TNFSF13B: variants seen among roughly 807,000 people sequenced by gnomAD.
TNFSF13B encodes TNF superfamily member 13b.
A neutral mutation model predicts 29.1 loss-of-function variants in TNFSF13B; 8 were observed. The observed-to-expected ratio is 0.27, with a 90% CI of 0.16 to 0.50. The LOEUF is 0.50. Among genes scored for constraint, TNFSF13B ranks in the 20% least tolerant of loss-of-function variants. The pLI, the probability that TNFSF13B is intolerant of heterozygous loss-of-function variation, is 0.98. For missense variants in TNFSF13B, 248 were observed against 334.9 expected (o/e 0.74, Z 2.03); for synonymous variants, 125 against 130.8 (o/e 0.96, Z 0.30).
Position 108,270,096 on chromosome 13 carries a change from C to T in TNFSF13B, c.201C>T (p.Tyr67=). Residue 67 remains tyrosine (Y), a synonymous_variant, in exon 1 of 6, where the codon TAC becomes TAT. Coordinates refer to ENST00000375887, the MANE Select transcript of TNFSF13B (RefSeq NM_006573.5). The part of the protein sequence containing the change: ...LSCCLTVVSF[Y]QVAALQGDLA... The stretch of plus-strand genomic sequence containing the variant: ...GCTGCCTCACGGTGGTGTCTTTCTA[C>T]CAGGTGGCCGCCCTGCAAGGGGACC... 1.2e-6 allele frequency: 2 copies of T among 1,604,174 alleles called. No homozygotes were observed. Among genetic ancestry groups the T allele is most frequent in the South Asian group, 1.1e-5 (1 of 91,078 alleles).
chr13:108,278,343 G>A (rs964462030), intron 2 of TNFSF13B, among the ~76,000 whole-genome samples: 1 of 152,048 alleles, frequency 6.6e-6, no homozygotes, highest in African/African-American at 2.4e-5. Context: ...GCTGAAGTGG[G>A]TTTGAAGATG....
intron 2 of TNFSF13B, 116 bp downstream of exon 2, chr13:108,270,540 T>C: frequency 9.7e-7 from 1 of 1,030,606 alleles, no homozygotes; most frequent in Non-Finnish European, 1.4e-6. Flanking sequence ...ACTATGAAAT[T>C]TGCCATCCAA....
In TNFSF13B at chr13:108,302,920, A is replaced by C. The variant is rs1433807089; in HGVS notation, c.482-333A>C. The C allele has an allele frequency of 3.6e-5, 33 of 904,236 alleles. No homozygotes were observed. In the South Asian group the frequency reaches 1.6e-3, roughly 43 times the overall value. 56.0% of individuals were successfully genotyped at this position (904,236 alleles called of 1,614,324 possible). A position where few individuals can be genotyped will look rare whatever the true frequency, so the allele number is the denominator to read the frequency against. On this transcript the variant is annotated intron_variant, in intron 3 of 5. Coordinates refer to ENST00000375887, the MANE Select transcript of TNFSF13B (RefSeq NM_006573.5). ...TGTGTTATTCAGAGAAATTTTGTCC[A>C]CTCTTTGCTTCAAACTCTCTTATCC...
chr13:108,269,967 G>A lies in TNFSF13B; in HGVS notation c.72G>A (p.Leu24=). Residue 24 remains leucine (L), a synonymous_variant, in exon 1 of 6, where the codon CTG becomes CTA. Transcript: ENST00000375887. The stretch of plus-strand genomic sequence containing the variant: ...TTAAGAAAAGAGAAGAAATGAAACT[G>A]AAGGAGTGTGTTTCCATCCTCCCAC... ...SCLKKREEMK[L]KECVSILPRK... The A allele has an allele frequency of 6.2e-7, 1 of 1,613,722 alleles. No homozygotes were observed. The highest frequency in any genetic ancestry group is 1.1e-5 in the South Asian group (1 of 91,086).
rs571928497 is a variant in TNFSF13B, at chr13:108,280,201, A to T, written c.425-6602A>T. On this transcript the variant is annotated intron_variant, in intron 2 of 5. Coordinates refer to ENST00000375887, the MANE Select transcript of TNFSF13B (RefSeq NM_006573.5). ...AAAAGTTAAAAATTTAAACCATTCG[A>T]ACTTGATTATTAGTTGAACTCCAAG... 3.9e-5 allele frequency among the ~76,000 whole-genome samples: 6 copies of T among 152,154 alleles called. No homozygotes were observed. In the South Asian group the frequency reaches 1.2e-3, roughly 32 times the overall value.
At chr13:108,289,787 C>T (rs1365368518) in intron 3 of TNFSF13B, among the ~76,000 whole-genome samples, 1 of 151,852 alleles carries the variant, frequency 6.6e-6, no homozygotes, top group Non-Finnish European at 1.5e-5. Flanking sequence ...AGTTCCTATG[C>T]TTGCTCTGCC....
chr13:108,288,127 G>A (rs1428047249), intron 3 of TNFSF13B, among the ~76,000 whole-genome samples: 8 of 151,942 alleles, frequency 5.3e-5, no homozygotes, highest in Non-Finnish European at 8.8e-5. Flanking sequence ...ATCATGTATC[G>A]ACCTCTCTCT....
rs142798353 is a variant in TNFSF13B, at chr13:108,301,904, T to G, written c.482-1349T>G. Among the ~76,000 whole-genome samples the G allele has an allele frequency of 4.4e-3, 668 of 152,316 alleles. 3 individuals carry two copies. Among genetic ancestry groups the G allele is most frequent in the African/African-American group, 0.015 (630 of 41,564 alleles). On this transcript the variant is annotated intron_variant, in intron 3 of 5. Transcript: ENST00000375887. ...CATCATGTTGTACATGACAAATATGTACAATTTTATCTGTCAATTAAAACA... is the reference window on the plus strand; with the variant it reads ...CATCATGTTGTACATGACAAATATGGACAATTTTATCTGTCAATTAAAACA...
chr13:108,286,736 C>T (rs1195790723), intron 2 of TNFSF13B, 67 bp from the exon 3 acceptor site: 13 of 1,059,216 alleles, frequency 1.2e-5, no homozygotes, highest in East Asian at 1.1e-4. Flanking sequence ...GGGTTTCTAG[C>T]TTTGTGTTCT....
intron 2 of TNFSF13B, among the ~76,000 whole-genome samples, chr13:108,281,986 C>T (rs983870502): frequency 5.3e-5 from 8 of 151,918 alleles, no homozygotes; most frequent in African/African-American, 1.7e-4. Context: ...AAAAATTAAA[C>T]AGCTACATTT....
intron 3 of TNFSF13B, among the ~76,000 whole-genome samples, chr13:108,294,604 G>A (rs1374900470): frequency 6.6e-6 from 1 of 152,074 alleles, no homozygotes; most frequent in Non-Finnish European, 1.5e-5. Context: ...TGCAGGCATA[G>A]TCTTGTTTCT....
intron 2 of TNFSF13B, among the ~76,000 whole-genome samples, chr13:108,277,391 G>T (rs978722471): frequency 1.3e-5 from 2 of 152,144 alleles, no homozygotes; most frequent in Non-Finnish European, 2.9e-5. Flanking sequence ...AATGGATATT[G>T]CTATTCCCAT....
At chr13:108,285,142 T>G (rs1881086759) in intron 2 of TNFSF13B, among the ~76,000 whole-genome samples, 1 of 152,162 alleles carries the variant, frequency 6.6e-6, no homozygotes, top group African/African-American at 2.4e-5. Flanking sequence ...GACATAAAAA[T>G]GTGTTAGAAA....
intron 3 of TNFSF13B, among the ~76,000 whole-genome samples, chr13:108,287,534 A>T (rs1248055672): frequency 6.6e-6 from 1 of 152,202 alleles, no homozygotes; most frequent in African/African-American, 2.4e-5. Context: ...TTAAATAATT[A>T]AACTACAATA....
At chr13:108,300,834 G>A (rs563193258) in intron 3 of TNFSF13B, among the ~76,000 whole-genome samples, 48 of 152,274 alleles carry the variant, frequency 3.2e-4, no homozygotes, top group African/African-American at 6.5e-4. Context: ...AGCACAGGCC[G>A]ACAAGAACAT....
intron 2 of TNFSF13B, among the ~76,000 whole-genome samples, chr13:108,285,376 G>A (rs1881096275): frequency 6.6e-6 from 1 of 152,088 alleles, no homozygotes; most frequent in Non-Finnish European, 1.5e-5. Context: ...CTGCATCCCT[G>A]GGCAATTTCA....
chr13:108,284,093 G>A (rs995453355), intron 2 of TNFSF13B, among the ~76,000 whole-genome samples: 1 of 152,178 alleles, frequency 6.6e-6, no homozygotes. Flanking sequence ...CACTTTGGGA[G>A]GCGAGGTGGG....
At chr13:108,291,671 A>G (rs1012998992) in intron 3 of TNFSF13B, among the ~76,000 whole-genome samples, 6 of 151,886 alleles carry the variant, frequency 4.0e-5, no homozygotes, top group African/African-American at 1.4e-4. Flanking sequence ...TCTCTGAAAT[A>G]ATTTTTCTGT....
chr13:108,303,134 TTTC>T, intron 3 of TNFSF13B, 116 bp from the exon 4 acceptor site: 5 of 756,762 alleles, frequency 6.6e-6, no homozygotes, highest in Non-Finnish European at 1.0e-5. Flanking sequence ...TCTTTCTTTC[TTTC>T]TTTTTTTTTT....
Sources: gnomAD v4.1 joint callset for allele counts (sites outside exome capture counted in the v4.1 genomes callset) on GRCh38, gnomAD v4.1.1 for gene constraint, MANE v1.5 for transcripts, NCBI Gene and HGNC (gene_info 2026-07-23, HGNC 2026-07-21) for gene names.